Variants in NRG1 observed in about 807,000 individuals in gnomAD.
NRG1 encodes pro-neuregulin-1, membrane-bound isoform.
In NRG1, 18 loss-of-function variants were observed where a neutral mutation model predicts 63.8. That is an observed-to-expected ratio of 0.28 (90% CI 0.19 to 0.42). NRG1 has a LOEUF of 0.42. NRG1 is among the 10% of genes least tolerant of loss of function. The probability of loss-of-function intolerance (pLI) is 1.00; values close to 1 mark genes in which losing one functional copy is unlikely to be tolerated. For missense variants in NRG1, 762 were observed against 814.7 expected (o/e 0.94, Z 0.79); for synonymous variants, 302 against 301.3 (o/e 1.00, Z -0.02).
intron 5 of NRG1, among the ~76,000 whole-genome samples, chr8:32,620,521 GAAAAAAAA>G (rs57462564): frequency 4.9e-5 from 6 of 122,206 alleles, no homozygotes; most frequent in African/African-American, 1.8e-4. Context: ...TGGATTAGAA[GAAAAAAAA>G]AAAAAAAAAA....
intron 1 of NRG1, among the ~76,000 whole-genome samples, chr8:32,247,019 TTTAA>T (rs1314463221): frequency 2.0e-5 from 3 of 152,102 alleles, no homozygotes; most frequent in African/African-American, 7.2e-5. Context: ...ACTGGCTCAA[TTTAA>T]TTATTCCACA....
intron 1 of NRG1, among the ~76,000 whole-genome samples, chr8:32,199,705 C>A (rs542763747): frequency 1.3e-5 from 2 of 152,122 alleles, no homozygotes; most frequent in African/African-American, 4.8e-5. Flanking sequence ...TATTTTGTTT[C>A]CTCTCTGAAA....
chr8:31,842,919 A>G (rs1404590210), intron 1 of NRG1, among the ~76,000 whole-genome samples: 1 of 152,140 alleles, frequency 6.6e-6, no homozygotes, highest in Non-Finnish European at 1.5e-5. Context: ...GTCCCACCAA[A>G]CCCTGGATTT....
intron 1 of NRG1, among the ~76,000 whole-genome samples, chr8:31,744,637 T>C (rs770621490): frequency 1.3e-5 from 2 of 151,964 alleles, no homozygotes; most frequent in African/African-American, 2.4e-5. Flanking sequence ...TTCACTTACA[T>C]AGAACCTTCC....
chr8:32,551,350 A>G (rs1834066632), intron 1 of NRG1, among the ~76,000 whole-genome samples: 1 of 152,100 alleles, frequency 6.6e-6, no homozygotes, highest in South Asian at 2.1e-4. Context: ...TAAAACAGCC[A>G]CTGCAACTGT....
intron 1 of NRG1, among the ~76,000 whole-genome samples, chr8:32,347,791 G>A (rs902285210): frequency 6.6e-6 from 1 of 152,146 alleles, no homozygotes; most frequent in Non-Finnish European, 1.5e-5. Flanking sequence ...ATGCTGTGAG[G>A]GTGATGAGGG....
At chr8:32,163,429 T>C (rs1054799859) in intron 1 of NRG1, among the ~76,000 whole-genome samples, 1 of 152,154 alleles carries the variant, frequency 6.6e-6, no homozygotes, top group African/African-American at 2.4e-5. Context: ...TTGGGAGGCT[T>C]TCTGTGGGTA....
intron 1 of NRG1, among the ~76,000 whole-genome samples, chr8:32,530,470 T>C (rs1208093296): frequency 6.6e-6 from 1 of 152,218 alleles, no homozygotes; most frequent in Non-Finnish European, 1.5e-5. Context: ...AGTATGGAAA[T>C]GACTCTATTT....
At chr8:32,350,888 G>A (rs1449745872) in intron 1 of NRG1, among the ~76,000 whole-genome samples, 1 of 152,102 alleles carries the variant, frequency 6.6e-6, no homozygotes, top group Non-Finnish European at 1.5e-5. Context: ...TCAGCGCGGT[G>A]TCCACGCCCC....
At chr8:31,691,430 C>T (rs1436024807) in intron 1 of NRG1, among the ~76,000 whole-genome samples, 1 of 151,374 alleles carries the variant, frequency 6.6e-6, no homozygotes, top group Non-Finnish European at 1.5e-5. Flanking sequence ...CCCGTCTCTA[C>T]TAAAAATACA....
At chr8:31,759,390 T>A (rs1312049210) in intron 1 of NRG1, among the ~76,000 whole-genome samples, 1 of 152,116 alleles carries the variant, frequency 6.6e-6, no homozygotes, top group African/African-American at 2.4e-5. Flanking sequence ...ATGGCTTATA[T>A]AATCCATCTC....
intron 1 of NRG1, among the ~76,000 whole-genome samples, chr8:31,821,376 C>G (rs917075355): frequency 6.6e-6 from 1 of 152,030 alleles, no homozygotes; most frequent in African/African-American, 2.4e-5. Flanking sequence ...AATTCTTTAC[C>G]TCTGATGTCT....
At chr8:31,753,392 A>G (rs1379400949) in intron 1 of NRG1, among the ~76,000 whole-genome samples, 1 of 151,984 alleles carries the variant, frequency 6.6e-6, no homozygotes, top group Non-Finnish European at 1.5e-5. Flanking sequence ...CCCAACATGT[A>G]TGCAGCTATT....
intron 1 of NRG1, among the ~76,000 whole-genome samples, chr8:31,673,645 G>A (rs573436557): frequency 2.0e-5 from 3 of 152,108 alleles, no homozygotes; most frequent in African/African-American, 7.2e-5. Flanking sequence ...TATATTCCCT[G>A]TTTGGAGGTC....
intron 5 of NRG1, among the ~76,000 whole-genome samples, chr8:32,650,858 C>T (rs758873689): frequency 6.6e-6 from 1 of 151,968 alleles, no homozygotes; most frequent in Non-Finnish European, 1.5e-5. Context: ...ACTTTATTCT[C>T]CCGTTTCCAT....
At chr8:31,719,913 A>C (rs900383746) in intron 1 of NRG1, among the ~76,000 whole-genome samples, 4 of 152,088 alleles carry the variant, frequency 2.6e-5, no homozygotes, top group African/African-American at 9.7e-5. Flanking sequence ...TAGTAGGAGA[A>C]AGAAGGTTTT....
intron 1 of NRG1, among the ~76,000 whole-genome samples, chr8:32,364,227 C>T (rs576761844): frequency 6.6e-6 from 1 of 151,892 alleles, no homozygotes; most frequent in African/African-American, 2.4e-5. Flanking sequence ...GATAACCAAA[C>T]TCAAAACAAA....
At chr8:32,411,969 G>C (rs1038582250) in intron 1 of NRG1, among the ~76,000 whole-genome samples, 11 of 152,162 alleles carry the variant, frequency 7.2e-5, no homozygotes, top group Non-Finnish European at 1.3e-4. Context: ...CAGGGTCCCA[G>C]ACATTTGTCC....
In NRG1 at chr8:32,703,209, A is replaced by C. The variant is rs557598363; in HGVS notation, c.503-24740A>C. On this transcript the variant is annotated intron_variant, in intron 5 of 11. Transcript: ENST00000356819. Reference sequence around the variant, plus strand: ...CTGTAGTCTTATTATCTGGCCTTGAAACACTACGACATTCTTTAACTGAAT... The same window carrying C: ...CTGTAGTCTTATTATCTGGCCTTGACACACTACGACATTCTTTAACTGAAT... 1.5e-4 allele frequency among the ~76,000 whole-genome samples: 23 copies of C among 152,290 alleles called. No homozygotes were observed. The East Asian group carries it at 4.4e-3, about 29-fold the overall frequency.
Sources: gnomAD v4.1 joint callset for allele counts (sites outside exome capture counted in the v4.1 genomes callset) on GRCh38, gnomAD v4.1.1 for gene constraint, MANE v1.5 for transcripts, NCBI Gene and HGNC (gene_info 2026-07-23, HGNC 2026-07-21) for gene names.